VPS13C: variants seen among roughly 807,000 people sequenced by gnomAD.
The protein encoded by VPS13C is intermembrane lipid transfer protein VPS13C.
In VPS13C, 358 loss-of-function variants were observed where a neutral mutation model predicts 456.8. The ratio of observed to expected loss-of-function variants is 0.78; its 90% CI spans 0.72 to 0.86. The LOEUF is 0.86. Ranked by LOEUF, VPS13C falls within the 40% of genes least tolerant of loss-of-function variation. The pLI, the probability that VPS13C is intolerant of heterozygous loss-of-function variation, is 0.00. For synonymous variants in VPS13C, 1,578 were observed against 1,486.7 expected (o/e 1.06, Z -1.41); for missense variants, 4,818 against 4,385.4 (o/e 1.10, Z -2.79).
chr15:61,915,895 C>A lies in VPS13C; in HGVS notation c.8183G>T (p.Arg2728Leu). Residue 2728 changes from arginine to leucine, a missense_variant, in exon 61 of 85, where the codon CGC becomes CTC. Physicochemically the swap from Arg to Leu is moderately radical, Grantham distance 102 (BLOSUM62 -2). Around this residue, in one of 3 missense-constraint regions of VPS13C, gnomAD observed 4,552 missense variants for 4,130.6 expected, o/e 1.10. Transcript: ENST00000644861. ...GAATTCTGGTAGTGTATCACGTATG[C>A]GGAAATGTCCATTCCAGTTTTTGCC... Reference protein sequence around the residue: ...YQGKNWNGHFRIRDTLPEFFP... With the variant: ...YQGKNWNGHFLIRDTLPEFFP... The A allele has an allele frequency of 6.2e-7, 1 of 1,613,836 alleles. No individual in the cohort carries two copies.
chr15:61,865,951 T>A (rs1894557426), intron 81 of VPS13C: 2 of 983,466 alleles, frequency 2.0e-6, no homozygotes, highest in African/African-American at 3.5e-5. Context: ...GATCCCCAAA[T>A]AAATTATTTA....
intron 9 of VPS13C, among the ~76,000 whole-genome samples, chr15:62,017,774 T>G (rs1198846657): frequency 6.6e-6 from 1 of 152,182 alleles, no homozygotes; most frequent in Non-Finnish European, 1.5e-5. Flanking sequence ...TGTGGGCTCT[T>G]TTTTGGTTCC....
intron 78 of VPS13C, 138 bp downstream of exon 78, chr15:61,873,108 C>T: frequency 7.5e-7 from 1 of 1,333,074 alleles, no homozygotes; most frequent in Non-Finnish European, 1.0e-6. Flanking sequence ...AAAAAGGAAA[C>T]TGGGAAGTCC....
chr15:62,058,827 G>A (rs1384524257), intron 1 of VPS13C, among the ~76,000 whole-genome samples: 1 of 152,064 alleles, frequency 6.6e-6, no homozygotes, highest in Non-Finnish European at 1.5e-5. Flanking sequence ...TGAGGCAGGA[G>A]GATCACTTCA....
chr15:61,934,019 T>G (rs935704683), intron 49 of VPS13C, among the ~76,000 whole-genome samples, 200 bp downstream of exon 49: 2 of 152,154 alleles, frequency 1.3e-5, no homozygotes, highest in East Asian at 3.8e-4. Context: ...CTGAGTACTT[T>G]GCCTTAGCCT....
chr15:61,860,971 T>C (rs1894194045), intron 82 of VPS13C, among the ~76,000 whole-genome samples: 1 of 144,182 alleles, frequency 6.9e-6, no homozygotes, highest in Non-Finnish European at 1.5e-5. Flanking sequence ...TTTTTTTTTT[T>C]TTTTTTTTGA....
chr15:61,927,454 G>A, intron 51 of VPS13C, 134 bp from the exon 52 acceptor site: 1 of 657,056 alleles, frequency 1.5e-6, no homozygotes, highest in Non-Finnish European at 2.6e-6. Context: ...AATATTAATT[G>A]GTTAATTAAT....
chr15:61,874,091 T>C (rs1323186162), intron 77 of VPS13C, among the ~76,000 whole-genome samples: 2 of 151,598 alleles, frequency 1.3e-5, no homozygotes, highest in East Asian at 3.9e-4. Flanking sequence ...GAAAAACAAA[T>C]ACTGCATGTT....
In VPS13C at chr15:61,909,130, TG is replaced by T; in HGVS notation, c.8845-6del. On this transcript the variant is annotated splice_polypyrimidine_tract_variant and splice_region_variant and intron_variant, in intron 64 of 84. Transcript: ENST00000644861. ...ATCCACCAAGATACCCCCATTCTAT[TG>T]TAGAAAAAAAAAAAGTATGTTTGAT... 6.3e-7 allele frequency: 1 copy of T among 1,587,092 alleles called. No homozygotes were observed.
chr15:61,949,912 G>A (rs1224263492), intron 41 of VPS13C, among the ~76,000 whole-genome samples: 2 of 152,170 alleles, frequency 1.3e-5, no homozygotes, highest in African/African-American at 4.8e-5. Context: ...AGCTGATTAT[G>A]CATGTTCAAA....
At chr15:61,861,499 A>G (rs1894224680) in intron 82 of VPS13C, among the ~76,000 whole-genome samples, 1 of 151,954 alleles carries the variant, frequency 6.6e-6, no homozygotes, top group South Asian at 2.1e-4. Flanking sequence ...AAGTTTGTTG[A>G]CTCCTGTTCT....
At chr15:61,900,783 A>T (rs1180393941) in intron 66 of VPS13C, among the ~76,000 whole-genome samples, 1 of 151,740 alleles carries the variant, frequency 6.6e-6, no homozygotes, top group Non-Finnish European at 1.5e-5. Context: ...TGGAACCAAA[A>T]AAGAGCCCGC....
intron 74 of VPS13C, among the ~76,000 whole-genome samples, chr15:61,877,477 T>C (rs139334188): frequency 2.8e-5 from 4 of 145,056 alleles, no homozygotes; most frequent in African/African-American, 4.9e-5. Flanking sequence ...CATGCTACCA[T>C]GTGGCAGTGT....
chr15:61,952,531 G>A (rs1208053681), intron 38 of VPS13C, among the ~76,000 whole-genome samples: 1 of 152,136 alleles, frequency 6.6e-6, no homozygotes, highest in Admixed American at 6.6e-5. Flanking sequence ...GTGTTTGTGT[G>A]TGTGTGTTAA....
At chr15:62,042,695 T>A (rs1320365261) in intron 2 of VPS13C, among the ~76,000 whole-genome samples, 3 of 152,004 alleles carry the variant, frequency 2.0e-5, no homozygotes, top group African/African-American at 7.2e-5. Context: ...AAAATAAATG[T>A]AAATAACCCA....
At chr15:62,008,074 A>C (rs1291074793) in intron 14 of VPS13C, among the ~76,000 whole-genome samples, 1 of 152,118 alleles carries the variant, frequency 6.6e-6, no homozygotes, top group Non-Finnish European at 1.5e-5. Context: ...TCTACTAAAA[A>C]TACAAAAATT....
intron 20 of VPS13C, chr15:61,983,577 A>C (rs1429258872): frequency 4.7e-6 from 2 of 428,104 alleles, no homozygotes; most frequent in Non-Finnish European, 8.1e-6. Context: ...AAAGTATATT[A>C]GATTTTTTAA....
At chr15:61,895,931 T>C (rs143760521) in intron 66 of VPS13C, among the ~76,000 whole-genome samples, 3 of 152,148 alleles carry the variant, frequency 2.0e-5, no homozygotes, top group African/African-American at 7.2e-5. Flanking sequence ...TATTATTATA[T>C]AGTTTCATAT....
chr15:61,997,090 T>C (rs2046413815), intron 16 of VPS13C, among the ~76,000 whole-genome samples: 2 of 151,448 alleles, frequency 1.3e-5, no homozygotes, highest in Admixed American at 6.6e-5. Flanking sequence ...TGCCAAAAAA[T>C]TACTTGAAAA....
Sources: gnomAD v4.1 joint callset for allele counts (sites outside exome capture counted in the v4.1 genomes callset) on GRCh38, gnomAD v4.1.1 for gene constraint, gnomAD v4.1.1 regional missense constraint, MANE v1.5 for transcripts, NCBI Gene and HGNC (gene_info 2026-07-23, HGNC 2026-07-21) for gene names.